The following PLPPR5 variants were observed in gnomAD, a reference collection of about 807,000 sequenced individuals.
PLPPR5 encodes the protein phospholipid phosphatase related 5, also known as phospholipid phosphatase-related protein type 5.
PLPPR5 carries 16 observed loss-of-function variants against 33.9 expected under a neutral mutation model. The observed-to-expected ratio is 0.47, with a 90% confidence interval of 0.32 to 0.72. The LOEUF is 0.72. Ranked by LOEUF, PLPPR5 falls within the 30% of genes least tolerant of loss-of-function variation. The pLI, the probability that PLPPR5 is intolerant of heterozygous loss-of-function variation, is 0.03. For synonymous variants in PLPPR5, 163 were observed against 150.3 expected (o/e 1.08, Z -0.62); for missense variants, 301 against 406.7 (o/e 0.74, Z 2.23).
intron 1 of PLPPR5, among the ~76,000 whole-genome samples, chr1:98,983,190 A>C: frequency 1.4e-5 from 2 of 144,846 alleles, no homozygotes; most frequent in Admixed American, 6.9e-5. Flanking sequence ...GCACCCACTA[A>C]CTCGTCATCT....
At chr1:98,940,399 G>C (rs1463193920) in intron 3 of PLPPR5, among the ~76,000 whole-genome samples, 7 of 151,828 alleles carry the variant, frequency 4.6e-5, no homozygotes, top group Admixed American at 4.6e-4. Flanking sequence ...AGTTCCCAAA[G>C]GCTTCATCTC....
intron 1 of PLPPR5, among the ~76,000 whole-genome samples, chr1:98,974,052 G>C (rs72977881): frequency 0.019 from 2,913 of 152,016 alleles, 97 homozygotes; most frequent in African/African-American, 0.067. Flanking sequence ...AAGCAAAAGG[G>C]CACATGCAAA....
chr1:99,004,711 G>T lies in PLPPR5; in HGVS notation c.-40C>A. The stretch of plus-strand genomic sequence containing the variant: ...CCGGGCCGAGCCGAGCCGAGCGGGC[G>T]GTCGACGCGGTGGGCCCCCTCCCCG... On this transcript the variant is annotated 5_prime_UTR_variant, in exon 1 of 6. Coordinates refer to ENST00000263177, the MANE Select transcript of PLPPR5 (RefSeq NM_001037317.2). 1.4e-6 allele frequency: 2 copies of T among 1,385,106 alleles called. No homozygotes were observed. The highest frequency in any genetic ancestry group is 3.3e-5 in the South Asian group (2 of 60,256). The allele number at this position is 1,385,106 out of a possible 1,614,324, so 85.8% of individuals were successfully genotyped here.
At chr1:98,995,564 T>C (rs1307213369) in intron 1 of PLPPR5, among the ~76,000 whole-genome samples, 1 of 152,090 alleles carries the variant, frequency 6.6e-6, no homozygotes, top group Non-Finnish European at 1.5e-5. Flanking sequence ...TAGTAAGGCC[T>C]GCACCCTCTC....
chr1:98,905,467 A>C (rs1472868948), intron 5 of PLPPR5, among the ~76,000 whole-genome samples: 1 of 152,118 alleles, frequency 6.6e-6, no homozygotes, highest in Non-Finnish European at 1.5e-5. Flanking sequence ...TTATTTTTTA[A>C]AATGCTTGAA....
chr1:98,897,302 A>G (rs551007155), intron 5 of PLPPR5, among the ~76,000 whole-genome samples: 2 of 152,316 alleles, frequency 1.3e-5, no homozygotes, highest in African/African-American at 4.8e-5. Context: ...CCCATTATCC[A>G]GCTGAAGAGC....
At chr1:98,948,147 C>A (rs1650630570) in intron 3 of PLPPR5, among the ~76,000 whole-genome samples, 1 of 152,132 alleles carries the variant, frequency 6.6e-6, no homozygotes, top group African/African-American at 2.4e-5. Context: ...TCCCTGAATC[C>A]TTATACCTCC....
At chr1:99,001,671 G>GATAGAT (rs1247519605) in intron 1 of PLPPR5, among the ~76,000 whole-genome samples, 40 of 102,180 alleles carry the variant, frequency 3.9e-4, no homozygotes, top group East Asian at 3.0e-3. Flanking sequence ...GAAAGTTAAA[G>GATAGAT]ATATATATAT....
chr1:98,994,131 T>A (rs1652549400), intron 1 of PLPPR5, among the ~76,000 whole-genome samples: 1 of 151,576 alleles, frequency 6.6e-6, no homozygotes, highest in African/African-American at 2.4e-5. Context: ...AATCTCAAGG[T>A]ATGGTGCACA....
At chr1:98,968,172 A>G (rs547634079) in intron 1 of PLPPR5, among the ~76,000 whole-genome samples, 156 of 152,236 alleles carry the variant, frequency 1.0e-3, no homozygotes, top group African/African-American at 3.7e-3. Flanking sequence ...GGTAGCAAAC[A>G]TAAGCTCTAA....
chr1:98,903,243 A>G (rs1457564994), intron 5 of PLPPR5, among the ~76,000 whole-genome samples: 2 of 151,982 alleles, frequency 1.3e-5, no homozygotes, highest in Admixed American at 6.6e-5. Flanking sequence ...CCTAAATATG[A>G]ACATATTTAG....
rs1394332916 is a variant in PLPPR5 at position 98,920,964 on chromosome 1, A to G, written c.798+918T>C. On this transcript the variant is annotated intron_variant, in intron 4 of 5. Transcript: ENST00000263177. Reference sequence around the variant, plus strand: ...GAGGGAAGTTCAGGCTGTTTATTATATACTCATACTTATAAAATGTTATAC... The same window carrying G: ...GAGGGAAGTTCAGGCTGTTTATTATGTACTCATACTTATAAAATGTTATAC... Among the ~76,000 whole-genome samples, 3 of 152,274 alleles carry G rather than the reference A, an allele frequency of 2.0e-5. No homozygotes were observed. The East Asian group carries it at 5.8e-4, about 29-fold the overall frequency.
At chr1:98,953,372 T>A (rs1339923299) in intron 2 of PLPPR5, 52 bp from the exon 3 acceptor site, 1 of 1,526,432 alleles carries the variant, frequency 6.6e-7, no homozygotes. Context: ...TGTGTGTGTG[T>A]GTGTGTGTGT....
chr1:98,899,381 T>G (rs1310577581), intron 5 of PLPPR5, among the ~76,000 whole-genome samples: 1 of 152,208 alleles, frequency 6.6e-6, no homozygotes, highest in Non-Finnish European at 1.5e-5. Flanking sequence ...ATGGATTGTC[T>G]TTTATGCCAG....
At chr1:98,999,428 A>C (rs969620362) in intron 1 of PLPPR5, among the ~76,000 whole-genome samples, 1 of 152,192 alleles carries the variant, frequency 6.6e-6, no homozygotes, top group Non-Finnish European at 1.5e-5. Flanking sequence ...AAACCCAAGA[A>C]GGCTCCAGAG....
intron 4 of PLPPR5, 107 bp from the exon 5 acceptor site, chr1:98,915,027 A>C: frequency 1.0e-6 from 1 of 972,194 alleles, no homozygotes; most frequent in Non-Finnish European, 1.5e-6. Flanking sequence ...TATTAAAATT[A>C]CTTAAATGTT....
At position 98,915,041 on chromosome 1, in the gene PLPPR5, C is replaced by T. The variant is rs773437841; in HGVS notation, c.799-121G>A. 141 of 825,924 alleles carry T rather than the reference C, an allele frequency of 1.7e-4. 1 individual carries two copies. Among genetic ancestry groups the T allele is most frequent in the Middle Eastern group, 5.0e-4 (2 of 3,976 alleles). The allele number at this position is 825,924 out of a possible 1,614,324, so 51.2% of individuals were successfully genotyped here. On this transcript the variant is annotated intron_variant, in intron 4 of 5. Transcript: ENST00000263177. ...GTATTAAAATTACTTAAATGTTACA[C>T]GTATATGAATTTATATCCAGATTTA...
intron 1 of PLPPR5, among the ~76,000 whole-genome samples, chr1:98,992,843 G>C (rs1652495418): frequency 6.6e-6 from 1 of 152,006 alleles, no homozygotes; most frequent in Admixed American, 6.6e-5. Flanking sequence ...ATTGCAGATG[G>C]CCTTAACATC....
In PLPPR5 at chr1:99,004,426, C is replaced by T. The variant is rs2100773245; in HGVS notation, c.237+9G>A. On this transcript the variant is annotated intron_variant, in intron 1 of 5. Coordinates refer to ENST00000263177, the MANE Select transcript of PLPPR5 (RefSeq NM_001037317.2). ...ACTCGGCGACGAGGGCGAGCGCCCC[C>T]GGGCTTACCACGAGCACGGGGACCC... 1.3e-6 allele frequency: 2 copies of T among 1,594,598 alleles called. No homozygotes were observed. Among genetic ancestry groups the T allele is most frequent in the South Asian group, 1.1e-5 (1 of 89,198 alleles).
Sources: gnomAD v4.1 joint callset for allele counts (sites outside exome capture counted in the v4.1 genomes callset) on GRCh38, gnomAD v4.1.1 for gene constraint, MANE v1.5 for transcripts, NCBI Gene and HGNC (gene_info 2026-07-23, HGNC 2026-07-21) for gene names.